The following PRKN variants were observed in gnomAD, a reference collection of about 807,000 sequenced individuals.
PRKN encodes the protein parkin RBR E3 ubiquitin protein ligase.
PRKN carries 56 observed loss-of-function variants against 59.5 expected under a neutral mutation model. That is an observed-to-expected ratio of 0.94 (90% confidence interval 0.76 to 1.18). PRKN has a LOEUF of 1.18. Among genes scored for constraint, PRKN ranks in the 50% most tolerant of loss-of-function variants. The pLI, the probability that PRKN is intolerant of heterozygous loss-of-function variation, is 0.00. For missense variants in PRKN, 657 were observed against 596.4 expected (o/e 1.10, Z -1.06); for synonymous variants, 250 against 222.1 (o/e 1.13, Z -1.12).
At chr6:162,093,870 G>A (rs1262588930) in intron 4 of PRKN, among the ~76,000 whole-genome samples, 1 of 152,148 alleles carries the variant, frequency 6.6e-6, no homozygotes, top group African/African-American at 2.4e-5. Context: ...ACCTCGTGCT[G>A]AGCACATGCA....
At chr6:162,126,905 T>C (rs1012320830) in intron 4 of PRKN, among the ~76,000 whole-genome samples, 1 of 152,210 alleles carries the variant, frequency 6.6e-6, no homozygotes, top group Non-Finnish European at 1.5e-5. Context: ...TTTCCCATGT[T>C]CTCTCACTGA....
chr6:161,360,917 T>C lies in PRKN; in HGVS notation c.1168-712A>G, dbSNP rs1449708320. Among the ~76,000 whole-genome samples, 3 of 152,150 alleles carry C rather than the reference T, an allele frequency of 2.0e-5. No individual in the cohort carries two copies. Among genetic ancestry groups the C allele is most frequent in the Non-Finnish European group, 4.4e-5 (3 of 68,014 alleles). ...GTCTTTATCTCTCAGATGAAACACCTTGTGCATTGGGGGTATGGAGGATTC... is the reference window on the plus strand; with the variant it reads ...GTCTTTATCTCTCAGATGAAACACCCTGTGCATTGGGGGTATGGAGGATTC... On this transcript the variant is annotated intron_variant, in intron 10 of 11. Coordinates refer to ENST00000366898, the MANE Select transcript of PRKN (RefSeq NM_004562.3). The surrounding 1 kb of genome is among the most constrained non-coding windows in gnomAD (Gnocchi z 5.1).
intron 7 of PRKN, among the ~76,000 whole-genome samples, chr6:161,631,363 T>C (rs995810066): frequency 1.3e-5 from 2 of 152,106 alleles, no homozygotes; most frequent in African/African-American, 4.8e-5. Context: ...AGAGTACCAG[T>C]AAATCATGCA....
chr6:161,806,134 T>C (rs1174447136), intron 6 of PRKN, among the ~76,000 whole-genome samples: 1 of 152,186 alleles, frequency 6.6e-6, no homozygotes, highest in Non-Finnish European at 1.5e-5. Flanking sequence ...CCTCTGATGA[T>C]CAACGTGATT....
intron 6 of PRKN, among the ~76,000 whole-genome samples, chr6:161,933,857 C>A (rs1779255591): frequency 6.6e-6 from 1 of 152,186 alleles, no homozygotes; most frequent in Non-Finnish European, 1.5e-5. Context: ...GCTCACAGTT[C>A]CCCTGAAAAC....
At chr6:162,582,979 G>A (rs543972168) in intron 1 of PRKN, among the ~76,000 whole-genome samples, 3 of 152,292 alleles carry the variant, frequency 2.0e-5, no homozygotes, top group Admixed American at 1.3e-4. Flanking sequence ...TAGGAGGTAG[G>A]ACTTTTAGGA....
chr6:161,757,886 T>TATATACACACACAC (rs1416363617), intron 7 of PRKN, among the ~76,000 whole-genome samples: 2 of 116,234 alleles, frequency 1.7e-5, no homozygotes, highest in African/African-American at 7.2e-5. Context: ...TATATATATA[T>TATATACACACACAC]ACACACACAC....
At chr6:162,701,987 G>A (rs534554097) in intron 1 of PRKN, among the ~76,000 whole-genome samples, 119 of 151,808 alleles carry the variant, frequency 7.8e-4, no homozygotes, top group African/African-American at 2.8e-3. Context: ...TAAACCAAGG[G>A]TTTTAAAAAT....
At chr6:162,650,413 A>G (rs866262246) in intron 1 of PRKN, among the ~76,000 whole-genome samples, 12 of 151,638 alleles carry the variant, frequency 7.9e-5, no homozygotes, top group Non-Finnish European at 1.5e-4. Flanking sequence ...CCGGCTAAAA[A>G]CGGTGAAACC....
At chr6:162,397,186 A>G (rs1233440585) in intron 2 of PRKN, among the ~76,000 whole-genome samples, 3 of 152,192 alleles carry the variant, frequency 2.0e-5, no homozygotes, top group African/African-American at 7.2e-5. Flanking sequence ...TTAATGAAGT[A>G]AATTCCAGAA....
At chr6:162,314,854 C>G (rs996790857) in intron 2 of PRKN, among the ~76,000 whole-genome samples, 4 of 152,120 alleles carry the variant, frequency 2.6e-5, no homozygotes, top group African/African-American at 9.7e-5. Context: ...TTGTCTTATA[C>G]TGAACATGGG....
intron 5 of PRKN, among the ~76,000 whole-genome samples, chr6:162,035,391 A>C (rs2128280356): frequency 1.3e-5 from 2 of 152,322 alleles, no homozygotes; most frequent in Non-Finnish European, 2.9e-5. Flanking sequence ...CAACTAAAGA[A>C]TTAATTTTGG....
chr6:161,884,276 G>A (rs1197297043), intron 6 of PRKN, among the ~76,000 whole-genome samples: 1 of 152,128 alleles, frequency 6.6e-6, no homozygotes, highest in Non-Finnish European at 1.5e-5. Flanking sequence ...GTGAAGATGT[G>A]TCGTGTCAAC....
chr6:162,434,872 G>A (rs1004809914), intron 2 of PRKN, among the ~76,000 whole-genome samples: 1 of 152,114 alleles, frequency 6.6e-6, no homozygotes, highest in Non-Finnish European at 1.5e-5. Context: ...GTCATCTCAG[G>A]CTTGTTACAA....
At chr6:162,097,751 T>C (rs1779803877) in intron 4 of PRKN, among the ~76,000 whole-genome samples, 1 of 152,228 alleles carries the variant, frequency 6.6e-6, no homozygotes, top group African/African-American at 2.4e-5. Flanking sequence ...AGAGATTAAG[T>C]ACACCATAAA....
chr6:162,298,352 TG>T (rs1400075046), intron 2 of PRKN, among the ~76,000 whole-genome samples: 2 of 151,838 alleles, frequency 1.3e-5, no homozygotes, highest in East Asian at 3.9e-4. Context: ...TTATTCCTCT[TG>T]TCCCTAAAGA....
intron 6 of PRKN, among the ~76,000 whole-genome samples, chr6:161,866,955 C>A (rs927576458): frequency 6.6e-6 from 1 of 152,156 alleles, no homozygotes; most frequent in Non-Finnish European, 1.5e-5. Flanking sequence ...AATAGAGTCC[C>A]ACCTGGACTG....
Position 161,582,463 on chromosome 6 carries a change from G to A in PRKN, c.872-13047C>T, listed in dbSNP as rs1369004437. Among the ~76,000 whole-genome samples, 1 of 151,476 alleles carries A rather than the reference G, an allele frequency of 6.6e-6. No homozygotes were observed. Among genetic ancestry groups the A allele is most frequent in the Non-Finnish European group, 1.5e-5 (1 of 67,944 alleles). Reference sequence around the variant, plus strand: ...TATTTTTGAGACAGAGTCTCGCTCTGTCGCCTAGGCTGGAGTGCAGTGGCG... The same window carrying A: ...TATTTTTGAGACAGAGTCTCGCTCTATCGCCTAGGCTGGAGTGCAGTGGCG... On this transcript the variant is annotated intron_variant, in intron 7 of 11. Coordinates refer to ENST00000366898, the MANE Select transcript of PRKN (RefSeq NM_004562.3). This position sits in a 1 kb window ranked among gnomAD's most constrained non-coding sequence, Gnocchi z 4.4.
At position 161,545,381 on chromosome 6, in the gene PRKN, T is replaced by C; in HGVS notation, c.1083+3473A>G. The C allele has an allele frequency of 6.2e-7, 1 of 1,612,368 alleles. No homozygotes were observed. The highest frequency in any genetic ancestry group is 8.5e-7 in the Non-Finnish European group (1 of 1,179,594). ...CAATGACTTTTCCTTGAACGATGTA[T>C]TGAATGAGGCACTCACTTCTCCCTG... On this transcript the variant is annotated intron_variant, in intron 9 of 11. Transcript: ENST00000366898. This position sits in a 1 kb window ranked among gnomAD's most constrained non-coding sequence, Gnocchi z 4.1.
Sources: allele counts gnomAD v4.1 joint callset (sites outside exome capture counted in the v4.1 genomes callset), GRCh38; gene constraint gnomAD v4.1.1; non-coding constraint Gnocchi (gnomAD v3.1); transcripts MANE v1.5; gene names NCBI Gene and HGNC (gene_info 2026-07-23, HGNC 2026-07-21).